The following MTNR1A variants were observed in gnomAD, a reference collection of about 807,000 sequenced individuals.
The protein encoded by MTNR1A is melatonin receptor type 1A.
MTNR1A carries 7 observed loss-of-function variants against 5.5 expected under a neutral mutation model. The ratio of observed to expected loss-of-function variants is 1.28; its 90% CI spans 0.73 to 2.40. MTNR1A has a LOEUF of 2.40. Ranked by LOEUF, MTNR1A falls within the 30% of genes most tolerant of loss-of-function variation. MTNR1A has a pLI of 0.00. For missense variants in MTNR1A, 441 were observed against 464.4 expected, an observed-to-expected ratio of 0.95 and a Z score of 0.46; for synonymous variants, 196 against 202.7, an observed-to-expected ratio of 0.97 and a Z score of 0.28.
intron 1 of MTNR1A, among the ~76,000 whole-genome samples, chr4:186,553,900 C>A (rs967585995): frequency 6.6e-6 from 1 of 152,164 alleles, no homozygotes; most frequent in Non-Finnish European, 1.5e-5. Context: ...CTCTGGAGGC[C>A]AGCTCTGGGA....
At chr4:186,546,934 A>T (rs1297186048) in intron 1 of MTNR1A, among the ~76,000 whole-genome samples, 1 of 92,384 alleles carries the variant, frequency 1.1e-5, no homozygotes, top group Non-Finnish European at 2.1e-5. Context: ...CACACCGTCC[A>T]CACCACACCC....
At chr4:186,553,071 A>G (rs1737294679) in intron 1 of MTNR1A, among the ~76,000 whole-genome samples, 1 of 152,254 alleles carries the variant, frequency 6.6e-6, no homozygotes. Flanking sequence ...TTTCCAAAGG[A>G]AAGTGATGGT....
chr4:186,542,899 C>A (rs116918172), intron 1 of MTNR1A, among the ~76,000 whole-genome samples: 1 of 152,082 alleles, frequency 6.6e-6, no homozygotes, highest in African/African-American at 2.4e-5. Flanking sequence ...GGGTTCAAGA[C>A]CTGCCTGAGC....
intron 1 of MTNR1A, among the ~76,000 whole-genome samples, chr4:186,547,533 C>T (rs1737180579): frequency 6.6e-6 from 1 of 152,214 alleles, no homozygotes; most frequent in Admixed American, 6.5e-5. Context: ...TCGCGGTTGT[C>T]TGAACACCCT....
rs559209686 is a variant in MTNR1A at position 186,549,386 on chromosome 4, T to C, written c.184+5796A>G. Among the ~76,000 whole-genome samples, 8 of 152,364 alleles carry C rather than the reference T, an allele frequency of 5.3e-5. No individual in the cohort carries two copies. In the Middle Eastern group the frequency reaches 0.01, roughly 194 times the overall value. On this transcript the variant is annotated intron_variant, in intron 1 of 1. Coordinates refer to ENST00000307161, the MANE Select transcript of MTNR1A (RefSeq NM_005958.4). ...GTTTCTTCGAAAGACCTGAAGCCAGTGTGTTCTTCACTAATAGTTATGCCG... is the reference window on the plus strand; with the variant it reads ...GTTTCTTCGAAAGACCTGAAGCCAGCGTGTTCTTCACTAATAGTTATGCCG...
At chr4:186,540,916 T>C (rs1401824522) in intron 1 of MTNR1A, among the ~76,000 whole-genome samples, 3 of 151,630 alleles carry the variant, frequency 2.0e-5, no homozygotes, top group African/African-American at 7.3e-5. Flanking sequence ...CCAGGTGCTG[T>C]CTGACCCACC....
At chr4:186,553,051 T>C (rs1365669271) in intron 1 of MTNR1A, among the ~76,000 whole-genome samples, 4 of 152,192 alleles carry the variant, frequency 2.6e-5, no homozygotes, top group Non-Finnish European at 4.4e-5. Context: ...TCACCACAAT[T>C]ATACCAAGCT....
In MTNR1A at chr4:186,554,082, A is replaced by G. The variant is rs533575068; in HGVS notation, c.184+1100T>C. Reference sequence around the variant, plus strand: ...AAGTCGTTTTTATTGCTAGGAAGGAAAGAGCCTCTTCTCGAAGGCAGAATT... The same window carrying G: ...AAGTCGTTTTTATTGCTAGGAAGGAGAGAGCCTCTTCTCGAAGGCAGAATT... On this transcript the variant is annotated intron_variant, in intron 1 of 1. Coordinates refer to ENST00000307161, the MANE Select transcript of MTNR1A (RefSeq NM_005958.4). Among the ~76,000 whole-genome samples the G allele has an allele frequency of 2.6e-4, 40 of 152,314 alleles. No homozygotes were observed. In the South Asian group the frequency reaches 4.4e-3, roughly 17 times the overall value.
At chr4:186,553,935 T>A (rs1386360125) in intron 1 of MTNR1A, among the ~76,000 whole-genome samples, 1 of 152,118 alleles carries the variant, frequency 6.6e-6, no homozygotes, top group African/African-American at 2.4e-5. Flanking sequence ...ACACCTACAG[T>A]CCCTGGGAAC....
intron 1 of MTNR1A, among the ~76,000 whole-genome samples, chr4:186,552,300 A>G (rs1737280437): frequency 6.6e-6 from 1 of 152,222 alleles, no homozygotes; most frequent in African/African-American, 2.4e-5. Context: ...AGACACCAGT[A>G]TCACAGTTTT....
intron 1 of MTNR1A, among the ~76,000 whole-genome samples, chr4:186,547,327 C>T (rs549176039): frequency 6.8e-6 from 1 of 146,222 alleles, no homozygotes; most frequent in East Asian, 2.1e-4. Flanking sequence ...ACACCCTGTT[C>T]GTGGGACACA....
chr4:186,542,150 C>T (rs1288811426), intron 1 of MTNR1A, among the ~76,000 whole-genome samples: 2 of 152,180 alleles, frequency 1.3e-5, no homozygotes, highest in African/African-American at 4.8e-5. Context: ...AATGTCCAGC[C>T]TGCCAAGAGT....
At chr4:186,552,461 T>C (rs1246139197) in intron 1 of MTNR1A, among the ~76,000 whole-genome samples, 1 of 152,182 alleles carries the variant, frequency 6.6e-6, no homozygotes, top group Non-Finnish European at 1.5e-5. Context: ...CCTGATATTT[T>C]GTAAAATAAG....
At position 186,534,436 on chromosome 4, in the gene MTNR1A, G is replaced by C. The variant is rs147194584; in HGVS notation, c.306C>G (p.Val102=). 4 of 1,614,156 alleles carry C rather than the reference G, an allele frequency of 2.5e-6. No homozygotes were observed. Among genetic ancestry groups the C allele is most frequent in the Non-Finnish European group, 3.4e-6 (4 of 1,180,030 alleles). The change falls in exon 2 of 2, where the codon GTC becomes GTG. Residue 102 remains valine, a synonymous_variant. Coordinates refer to ENST00000307161, the MANE Select transcript of MTNR1A (RefSeq NM_005958.4). ...GWNLGYLHCQ[V]SGFLMGLSVI... ...CGCTCAGGCCCATCAGGAACCCACT[G>C]ACTTGGCAGTGCAGATAGCCCAGGT... is the stretch of plus-strand genomic sequence containing the variant.
At chr4:186,546,719 A>C (rs1213848866) in intron 1 of MTNR1A, among the ~76,000 whole-genome samples, 3 of 131,470 alleles carry the variant, frequency 2.3e-5, no homozygotes, top group African/African-American at 6.4e-5. Context: ...CACCATCCAC[A>C]CCACACCCTG....
intron 1 of MTNR1A, among the ~76,000 whole-genome samples, chr4:186,551,784 T>A (rs1414699360): frequency 1.3e-5 from 2 of 152,148 alleles, no homozygotes; most frequent in African/African-American, 4.8e-5. Context: ...GCATCCTCTC[T>A]GAGTGGTAAT....
intron 1 of MTNR1A, among the ~76,000 whole-genome samples, chr4:186,538,476 G>C (rs73873636): frequency 5.9e-5 from 9 of 152,060 alleles, no homozygotes; most frequent in Admixed American, 4.6e-4. Flanking sequence ...TGCCCTGCAG[G>C]GGGTGGGTGA....
rs1736764493 is a variant in MTNR1A, at chr4:186,533,780, A to G, written c.962T>C (p.Val321Ala). 6.2e-7 allele frequency: 1 copy of G among 1,614,222 alleles called. No homozygotes were observed. Among genetic ancestry groups the G allele is most frequent in the Non-Finnish European group, 8.5e-7 (1 of 1,180,038 alleles). Reference sequence around the variant, plus strand: ...ATCGGCCACGTCGTTAGAGCTGTCCACAAAGAACACCCTGGCTGTACAGAG... The same window carrying G: ...ATCGGCCACGTCGTTAGAGCTGTCCGCAAAGAACACCCTGGCTGTACAGAG... ...VSLCTARVFF[V>A]DSSNDVADRV... is the part of the protein sequence containing the mutation. Residue 321 changes from valine to alanine, a missense_variant, in exon 2 of 2, where the codon GTG becomes GCG. Val to Ala is a moderately conservative substitution (Grantham distance 64, BLOSUM62 0). Transcript: ENST00000307161.
intron 1 of MTNR1A, among the ~76,000 whole-genome samples, chr4:186,553,234 G>A (rs549963372): frequency 2.2e-4 from 34 of 152,288 alleles, no homozygotes; most frequent in African/African-American, 8.2e-4. Context: ...ATTTGAATCA[G>A]CTATCCTTAT....
Sources: allele counts gnomAD v4.1 joint callset (sites outside exome capture counted in the v4.1 genomes callset), GRCh38; gene constraint gnomAD v4.1.1; transcripts MANE v1.5; gene names NCBI Gene and HGNC (gene_info 2026-07-23, HGNC 2026-07-21).